ARHGAP12: variants seen among roughly 807,000 people sequenced by gnomAD.
The protein encoded by ARHGAP12 is rho GTPase-activating protein 12.
In ARHGAP12, 64 loss-of-function variants were observed where a neutral mutation model predicts 108.6. That is an observed-to-expected ratio of 0.59 (90% CI 0.48 to 0.73). The LOEUF (loss-of-function observed/expected upper bound fraction) is 0.73, where lower values mean the gene tolerates loss of function less well. ARHGAP12 is among the 30% of genes least tolerant of loss of function. The pLI is 0.00. For synonymous variants in ARHGAP12, 312 were observed against 337.2 expected (o/e 0.93, Z 0.82); for missense variants, 940 against 1,005.9 (o/e 0.93, Z 0.89).
chr10:31,817,939 A>G, intron 12 of ARHGAP12, 53 bp from the exon 13 acceptor site: 1 of 1,265,338 alleles, frequency 7.9e-7, no homozygotes, highest in Non-Finnish European at 1.1e-6. Context: ...TGCTTTCAGC[A>G]AAATACATGA....
In ARHGAP12 at chr10:31,837,511, A is replaced by G. The variant is rs763600418; in HGVS notation, c.1386+1794T>C. On this transcript the variant is annotated intron_variant, in intron 9 of 19. Transcript: ENST00000344936. ...TGCAATTAGTGACTTGAGAGTTCAG[A>G]TAAAGAAGAGAACATTATTCTGCTA... 1.8e-4 allele frequency among the ~76,000 whole-genome samples: 28 copies of G among 152,238 alleles called. 1 individual carries two copies. The highest frequency in any genetic ancestry group is 1.6e-3 in the Admixed American group (25 of 15,286).
At chr10:31,916,544 C>T (rs1276282972) in intron 1 of ARHGAP12, among the ~76,000 whole-genome samples, 1 of 152,134 alleles carries the variant, frequency 6.6e-6, no homozygotes, top group African/African-American at 2.4e-5. Context: ...CCAGGACATC[C>T]GTTTTAACCA....
intron 7 of ARHGAP12, 43 bp downstream of exon 7, chr10:31,843,418 C>T: frequency 6.3e-7 from 1 of 1,576,984 alleles, no homozygotes; most frequent in Non-Finnish European, 8.6e-7. Flanking sequence ...ATTCACTGTA[C>T]AATATAATGC....
chr10:31,823,280 G>A (rs1215367700), intron 11 of ARHGAP12, among the ~76,000 whole-genome samples: 1 of 152,036 alleles, frequency 6.6e-6, no homozygotes, highest in Admixed American at 6.6e-5. Context: ...ACAAATACAA[G>A]TTTATGTTAA....
intron 9 of ARHGAP12, among the ~76,000 whole-genome samples, chr10:31,834,957 T>C (rs1181350642): frequency 6.6e-6 from 1 of 152,136 alleles, no homozygotes; most frequent in African/African-American, 2.4e-5. Flanking sequence ...TCTCAGCACT[T>C]TGGGAGGCCA....
chr10:31,811,754 C>CT (rs965580107), intron 15 of ARHGAP12, among the ~76,000 whole-genome samples: 7 of 152,128 alleles, frequency 4.6e-5, no homozygotes, highest in African/African-American at 1.7e-4. Flanking sequence ...ACTGCAGCCT[C>CT]TAATTCCTGT....
Position 31,854,088 on chromosome 10 carries a change from G to A in ARHGAP12, c.1067C>T (p.Thr356Ile), listed in dbSNP as rs1836796098. The stretch of plus-strand genomic sequence containing the variant: ...TACCTTTTCATTAGTATAGTCACTG[G>A]TATATAAGGTATGCCCACGTTCATC... ...ELDERGHTLY[T>I]SDYTNEKWLK... is the part of the protein sequence containing the mutation. Residue 356 changes from threonine to isoleucine, a missense_variant, in exon 5 of 20, where the codon ACC (threonine) becomes ATC (isoleucine). Transcript: ENST00000344936. 1 of 1,612,458 alleles carries A rather than the reference G, an allele frequency of 6.2e-7. No homozygotes were observed. Among genetic ancestry groups the A allele is most frequent in the African/African-American group, 1.3e-5 (1 of 74,806 alleles).
At chr10:31,838,493 G>A (rs1183302265) in intron 9 of ARHGAP12, among the ~76,000 whole-genome samples, 1 of 151,786 alleles carries the variant, frequency 6.6e-6, no homozygotes, top group African/African-American at 2.4e-5. Flanking sequence ...ACCAGCCTGG[G>A]CAACAAAGCA....
chr10:31,844,203 T>C lies in ARHGAP12; in HGVS notation c.1171-617A>G, dbSNP rs185228182. Among the ~76,000 whole-genome samples, 156 of 152,316 alleles carry C rather than the reference T, an allele frequency of 1.0e-3. 2 individuals are homozygous for C. The Middle Eastern group carries it at 0.014, about 13-fold the overall frequency. ...TTACATCTTCTACAAAGAGAAGGTGTTTTGTTTAATTTTAATTCAGTCATA... is the reference window on the plus strand; with the variant it reads ...TTACATCTTCTACAAAGAGAAGGTGCTTTGTTTAATTTTAATTCAGTCATA... On this transcript the variant is annotated intron_variant, in intron 6 of 19. Coordinates refer to ENST00000344936, the MANE Select transcript of ARHGAP12 (RefSeq NM_018287.7).
intron 1 of ARHGAP12, among the ~76,000 whole-genome samples, chr10:31,911,190 A>C (rs576208814): frequency 3.7e-4 from 56 of 151,860 alleles, no homozygotes; most frequent in Non-Finnish European, 6.8e-4. Flanking sequence ...TGCCCAGCTA[A>C]TTTTTGCATT....
Position 31,867,576 on chromosome 10 carries a change from C to T in ARHGAP12, c.685-5918G>A, listed in dbSNP as rs527983344. 5.3e-5 allele frequency among the ~76,000 whole-genome samples: 8 copies of T among 152,146 alleles called. No homozygotes were observed. In the East Asian group the frequency reaches 1.4e-3, roughly 26 times the overall value. On this transcript the variant is annotated intron_variant, in intron 3 of 19. Coordinates refer to ENST00000344936, the MANE Select transcript of ARHGAP12 (RefSeq NM_018287.7). ...GCGAACCAAAAATATGTTTTTTTAA[C>T]AAATACACTCAATGCTGGTGAAGGT...
intron 1 of ARHGAP12, among the ~76,000 whole-genome samples, chr10:31,917,990 C>T (rs1839633144): frequency 6.7e-6 from 1 of 150,020 alleles, no homozygotes; most frequent in Non-Finnish European, 1.5e-5. Context: ...GGGTCTCATT[C>T]TGTCACTTAG....
intron 11 of ARHGAP12, among the ~76,000 whole-genome samples, chr10:31,823,250 A>G (rs78249120): frequency 0.024 from 3,622 of 152,232 alleles, 156 homozygotes; most frequent in African/African-American, 0.081. Context: ...ACAAACATAC[A>G]TTTCTGAAGT....
At chr10:31,855,195 C>G (rs753636228) in intron 4 of ARHGAP12, among the ~76,000 whole-genome samples, 2 of 151,750 alleles carry the variant, frequency 1.3e-5, no homozygotes, top group Non-Finnish European at 2.9e-5. Flanking sequence ...ATATGATAAA[C>G]TGCAGACACA....
intron 3 of ARHGAP12, among the ~76,000 whole-genome samples, chr10:31,901,073 C>T (rs1838896499): frequency 6.6e-6 from 1 of 151,724 alleles, no homozygotes; most frequent in Non-Finnish European, 1.5e-5. Flanking sequence ...AAAAAATTAG[C>T]TGGGCACGGT....
intron 3 of ARHGAP12, among the ~76,000 whole-genome samples, chr10:31,864,101 C>T (rs1215623393): frequency 1.3e-5 from 2 of 151,948 alleles, no homozygotes; most frequent in Non-Finnish European, 2.9e-5. Flanking sequence ...TGGATTTGTG[C>T]TAAGATACAA....
chr10:31,867,109 CT>C (rs1162757740), intron 3 of ARHGAP12, among the ~76,000 whole-genome samples: 10 of 147,164 alleles, frequency 6.8e-5, no homozygotes, highest in South Asian at 4.3e-4. Flanking sequence ...ACCTTGTTTT[CT>C]TTTTTTTGTT....
At chr10:31,848,862 G>A (rs1049800232) in intron 6 of ARHGAP12, among the ~76,000 whole-genome samples, 1 of 152,052 alleles carries the variant, frequency 6.6e-6, no homozygotes, top group Admixed American at 6.5e-5. Flanking sequence ...CACAAGGTCA[G>A]GAGTTCGAGA....
chr10:31,899,672 T>C (rs1357267586), intron 3 of ARHGAP12, among the ~76,000 whole-genome samples: 6 of 152,132 alleles, frequency 3.9e-5, no homozygotes, highest in Admixed American at 3.3e-4. Context: ...TAGATGGATA[T>C]ATGCAAAGAA....
Sources: allele counts gnomAD v4.1 joint callset (sites outside exome capture counted in the v4.1 genomes callset), GRCh38; gene constraint gnomAD v4.1.1; transcripts MANE v1.5; gene names NCBI Gene and HGNC (gene_info 2026-07-23, HGNC 2026-07-21).